Variants in SDCCAG8 observed in about 807,000 individuals in gnomAD.
SDCCAG8 encodes serologically defined colon cancer antigen 8.
A neutral mutation model predicts 101.8 loss-of-function variants in SDCCAG8; 74 were observed. The observed-to-expected ratio is 0.73, with a 90% confidence interval of 0.60 to 0.88. The LOEUF (loss-of-function observed/expected upper bound fraction) is 0.88, where lower values mean the gene tolerates loss of function less well. Among genes scored for constraint, SDCCAG8 ranks in the 40% least tolerant of loss-of-function variants. The probability of loss-of-function intolerance (pLI) is 0.00; values close to 1 mark genes in which losing one functional copy is unlikely to be tolerated. For synonymous variants in SDCCAG8, 281 were observed against 292.9 expected (o/e 0.96, Z 0.41); for missense variants, 787 against 822.6 (o/e 0.96, Z 0.53).
chr1:243,486,986 G>A (rs1299801624), intron 16 of SDCCAG8, among the ~76,000 whole-genome samples: 1 of 152,236 alleles, frequency 6.6e-6, no homozygotes, highest in African/African-American at 2.4e-5. Flanking sequence ...TTCATCGGAG[G>A]GGAAAAGCCA....
intron 6 of SDCCAG8, among the ~76,000 whole-genome samples, chr1:243,299,669 C>T (rs2071302348): frequency 6.6e-6 from 1 of 152,166 alleles, no homozygotes; most frequent in South Asian, 2.1e-4. Context: ...CTGCCTCGGC[C>T]TCCCACAGTG....
chr1:243,267,550 C>T (rs1158825760), intron 1 of SDCCAG8: 5 of 436,878 alleles, frequency 1.1e-5, no homozygotes, highest in South Asian at 8.3e-5. Flanking sequence ...TGCGGTGAGC[C>T]GAGATTGCGC....
intron 15 of SDCCAG8, among the ~76,000 whole-genome samples, chr1:243,424,146 T>G (rs2081193789): frequency 6.6e-6 from 1 of 152,136 alleles, no homozygotes; most frequent in Non-Finnish European, 1.5e-5. Context: ...TTTCATTAAA[T>G]TATGCTTTTA....
At chr1:243,275,998 G>A (rs935567388) in intron 4 of SDCCAG8, among the ~76,000 whole-genome samples, 2 of 151,652 alleles carry the variant, frequency 1.3e-5, no homozygotes, top group Non-Finnish European at 2.9e-5. Flanking sequence ...CCAGTAGCTG[G>A]GATTACAGGC....
intron 6 of SDCCAG8, among the ~76,000 whole-genome samples, chr1:243,293,675 A>G (rs1002403392): frequency 2.6e-5 from 4 of 152,198 alleles, no homozygotes; most frequent in African/African-American, 9.7e-5. Context: ...AACTTTATCC[A>G]TTCATCTATT....
intron 13 of SDCCAG8, among the ~76,000 whole-genome samples, chr1:243,414,043 G>A (rs145190243): frequency 1.3e-5 from 2 of 152,258 alleles, no homozygotes; most frequent in East Asian, 3.9e-4. Flanking sequence ...ACTGAGGCTG[G>A]GCTGAGGGTA....
chr1:243,304,421 C>T (rs2071870721), intron 6 of SDCCAG8, among the ~76,000 whole-genome samples: 1 of 152,140 alleles, frequency 6.6e-6, no homozygotes, highest in African/African-American at 2.4e-5. Context: ...CCCTCATGGA[C>T]CTTATGGGTT....
chr1:243,329,221 C>T (rs2074417073), intron 9 of SDCCAG8, among the ~76,000 whole-genome samples: 3 of 151,868 alleles, frequency 2.0e-5, no homozygotes, highest in South Asian at 4.2e-4. Context: ...GGACTAATTC[C>T]CTAGAAGAAT....
chr1:243,338,235 G>C (rs1363731574), intron 10 of SDCCAG8, among the ~76,000 whole-genome samples: 2 of 152,172 alleles, frequency 1.3e-5, no homozygotes, highest in Non-Finnish European at 2.9e-5. Context: ...GATTTAAAGA[G>C]AGAATGCATA....
intron 15 of SDCCAG8, among the ~76,000 whole-genome samples, chr1:243,421,307 C>T (rs1163456715): frequency 6.6e-6 from 1 of 152,190 alleles, no homozygotes; most frequent in Non-Finnish European, 1.5e-5. Flanking sequence ...CAGATCTAGT[C>T]ATTTGACTGA....
In SDCCAG8 at chr1:243,474,124, A is replaced by G. The variant is rs1277181090; in HGVS notation, c.1986-14890A>G. On this transcript the variant is annotated intron_variant, in intron 16 of 17. Coordinates refer to ENST00000366541, the MANE Select transcript of SDCCAG8 (RefSeq NM_006642.5). The surrounding 1 kb of genome is among the most constrained non-coding windows in gnomAD (Gnocchi z 4.7). ...CATGATCACTGACAAACAATGATTC[A>G]TTGGTTTACAAATAAGGAATTAAAA... 6.6e-6 allele frequency among the ~76,000 whole-genome samples: 1 copy of G among 152,050 alleles called. No individual in the cohort carries two copies. The highest frequency in any genetic ancestry group is 1.5e-5 in the Non-Finnish European group (1 of 68,018).
At chr1:243,287,100 A>G (rs1322594515) in intron 5 of SDCCAG8, among the ~76,000 whole-genome samples, 1 of 152,218 alleles carries the variant, frequency 6.6e-6, no homozygotes, top group Non-Finnish European at 1.5e-5. Flanking sequence ...ACGTTGGGTC[A>G]GATTATCTCT....
intron 9 of SDCCAG8, among the ~76,000 whole-genome samples, chr1:243,321,864 G>A (rs1173642710): frequency 6.6e-6 from 1 of 152,190 alleles, no homozygotes; most frequent in Non-Finnish European, 1.5e-5. Flanking sequence ...GGCCAGGCTG[G>A]TATTGAACTC....
At chr1:243,311,995 T>G (rs1039302105) in intron 8 of SDCCAG8, among the ~76,000 whole-genome samples, 1 of 152,254 alleles carries the variant, frequency 6.6e-6, no homozygotes, top group Non-Finnish European at 1.5e-5. Context: ...TTAGTTCAAT[T>G]TTCTGCCTTG....
chr1:243,304,304 A>G (rs970333674), intron 6 of SDCCAG8, among the ~76,000 whole-genome samples: 2 of 152,238 alleles, frequency 1.3e-5, no homozygotes, highest in Non-Finnish European at 2.9e-5. Context: ...TTAGTCTATC[A>G]TCATGTGATA....
chr1:243,336,692 G>C (rs2075038195), intron 10 of SDCCAG8, among the ~76,000 whole-genome samples: 1 of 152,134 alleles, frequency 6.6e-6, no homozygotes, highest in Non-Finnish European at 1.5e-5. Flanking sequence ...TCCAACATCG[G>C]GGATTACAGT....
At chr1:243,345,944 A>G (rs1047474965) in intron 12 of SDCCAG8, among the ~76,000 whole-genome samples, 25 of 152,224 alleles carry the variant, frequency 1.6e-4, no homozygotes, top group African/African-American at 4.6e-4. Flanking sequence ...GTTTAGTGGT[A>G]TGTTTTTAGA....
intron 13 of SDCCAG8, among the ~76,000 whole-genome samples, chr1:243,386,836 C>T (rs369274983): frequency 1.3e-5 from 2 of 152,104 alleles, no homozygotes; most frequent in South Asian, 4.1e-4. Context: ...ATGCATGACA[C>T]GTGACGGTGA....
At chr1:243,395,038 T>G (rs534289402) in intron 13 of SDCCAG8, among the ~76,000 whole-genome samples, 11 of 152,328 alleles carry the variant, frequency 7.2e-5, no homozygotes, top group African/African-American at 2.6e-4. Context: ...TTCCCGTTTC[T>G]TTTTCTTGCG....
Sources: allele counts gnomAD v4.1 joint callset (sites outside exome capture counted in the v4.1 genomes callset), GRCh38; gene constraint gnomAD v4.1.1; non-coding constraint Gnocchi (gnomAD v3.1); transcripts MANE v1.5; gene names NCBI Gene and HGNC (gene_info 2026-07-23, HGNC 2026-07-21).